ADGRV1: variants seen among roughly 807,000 people sequenced by gnomAD.
The protein encoded by ADGRV1 is G-protein coupled receptor 98.
Under a neutral mutation model 596.2 loss-of-function variants are expected in ADGRV1, and 359 were observed. The observed-to-expected ratio is 0.60, with a 90% CI of 0.55 to 0.66. The LOEUF (loss-of-function observed/expected upper bound fraction) is 0.66. Among genes scored for constraint, ADGRV1 ranks in the 30% least tolerant of loss-of-function variants. The probability of loss-of-function intolerance (pLI) is 0.00; values close to 1 mark genes in which losing one functional copy is unlikely to be tolerated. For missense variants in ADGRV1, 7,274 were observed against 7,575.6 expected, an observed-to-expected ratio of 0.96 and a Z score of 1.48; for synonymous variants, 2,681 against 2,679.2, an observed-to-expected ratio of 1.00 and a Z score of -0.02.
chr5:90,987,955 C>T (rs1165220193), intron 85 of ADGRV1, among the ~76,000 whole-genome samples: 1 of 152,134 alleles, frequency 6.6e-6, no homozygotes, highest in Non-Finnish European at 1.5e-5. Context: ...TTTTTGTCTC[C>T]TTAGCTCTTT....
At chr5:90,954,379 T>C (rs1777299615) in intron 83 of ADGRV1, among the ~76,000 whole-genome samples, 1 of 152,114 alleles carries the variant, frequency 6.6e-6, no homozygotes, top group South Asian at 2.1e-4. Context: ...CTGAATGAGA[T>C]ATGAAAAGAC....
intron 79 of ADGRV1, 147 bp from the exon 80 acceptor site, chr5:90,853,137 C>T (rs1766695244): frequency 1.5e-6 from 1 of 684,064 alleles, no homozygotes. Flanking sequence ...GAACTGAAGG[C>T]ACATTCTATT....
At chr5:90,871,556 G>T (rs557892157) in intron 83 of ADGRV1, among the ~76,000 whole-genome samples, 2 of 152,316 alleles carry the variant, frequency 1.3e-5, no homozygotes, top group African/African-American at 4.8e-5. Flanking sequence ...AGGCTACAGT[G>T]ACATTATCAT....
intron 9 of ADGRV1, among the ~76,000 whole-genome samples, chr5:90,632,547 A>G (rs899583069): frequency 6.6e-6 from 1 of 152,186 alleles, no homozygotes; most frequent in Admixed American, 6.5e-5. Flanking sequence ...CAATATTTCT[A>G]TCCAAGTAAC....
intron 87 of ADGRV1, among the ~76,000 whole-genome samples, chr5:91,133,383 C>T (rs555999271): frequency 6.6e-6 from 1 of 152,326 alleles, no homozygotes; most frequent in East Asian, 1.9e-4. Flanking sequence ...TGGCACTCTC[C>T]TGCTCCAGTA....
At chr5:91,035,685 C>T (rs1228101865) in intron 85 of ADGRV1, among the ~76,000 whole-genome samples, 4 of 151,186 alleles carry the variant, frequency 2.6e-5, no homozygotes, top group African/African-American at 9.7e-5. Flanking sequence ...ATCTGCCTGC[C>T]TAGTTTCAAA....
chr5:90,647,671 G>C lies in ADGRV1; in HGVS notation c.3196G>C (p.Gly1066Arg), dbSNP rs1767988783. The change falls in exon 17 of 90, where the codon GGA becomes CGA. Residue 1066 changes from glycine (G) to arginine (R), a missense_variant. This residue lies in a region of ADGRV1 where 1,715 missense variants were observed against 1,708.8 expected (regional missense o/e 1.00). Coordinates refer to ENST00000405460, the MANE Select transcript of ADGRV1 (RefSeq NM_032119.4). Reference protein sequence around the residue: ...EKGETLIFEVGSRQQSISIFV... With the variant: ...EKGETLIFEVRSRQQSISIFV... ...AGGAGAAACGCTCATTTTTGAGGTT[G>C]GAAGTAGACAGCAGAGCATATCCAT... 1 of 1,613,944 alleles carries C rather than the reference G, an allele frequency of 6.2e-7. No homozygotes were observed. Among genetic ancestry groups the C allele is most frequent in the Non-Finnish European group, 8.5e-7 (1 of 1,179,850 alleles).
intron 50 of ADGRV1, among the ~76,000 whole-genome samples, chr5:90,738,438 G>T (rs2149870516): frequency 6.6e-6 from 1 of 152,036 alleles, no homozygotes; most frequent in Middle Eastern, 3.4e-3. Flanking sequence ...TATGTTATTA[G>T]TTATCAGACT....
intron 87 of ADGRV1, among the ~76,000 whole-genome samples, chr5:91,148,458 A>G (rs1795742872): frequency 6.6e-6 from 1 of 152,198 alleles, no homozygotes; most frequent in Non-Finnish European, 1.5e-5. Flanking sequence ...GCCCCCACCC[A>G]GCCTTGGCAG....
At chr5:90,796,527 G>C (rs1457358123) in intron 70 of ADGRV1, among the ~76,000 whole-genome samples, 2 of 152,192 alleles carry the variant, frequency 1.3e-5, no homozygotes, top group Non-Finnish European at 2.9e-5. Context: ...AGGGAGAATG[G>C]AACCAAGTTG....
At chr5:90,744,761 G>A (rs1288640713) in intron 50 of ADGRV1, among the ~76,000 whole-genome samples, 3 of 152,158 alleles carry the variant, frequency 2.0e-5, no homozygotes, top group Non-Finnish European at 2.9e-5. Context: ...TAAATATTAA[G>A]ATGAATATAA....
intron 67 of ADGRV1, 41 bp downstream of exon 67, chr5:90,784,098 T>G: frequency 7.6e-7 from 1 of 1,312,212 alleles, no homozygotes; most frequent in Non-Finnish European, 1.1e-6. Context: ...TAATTTTTGA[T>G]AGACTGAGTA....
chr5:90,743,170 G>A (rs1252866824), intron 50 of ADGRV1, among the ~76,000 whole-genome samples: 1 of 152,106 alleles, frequency 6.6e-6, no homozygotes, highest in African/African-American at 2.4e-5. Context: ...AGATGCCCCT[G>A]AATTAATTTT....
intron 83 of ADGRV1, among the ~76,000 whole-genome samples, chr5:90,905,958 A>C (rs1305561665): frequency 6.6e-6 from 1 of 152,098 alleles, no homozygotes; most frequent in Non-Finnish European, 1.5e-5. Context: ...GATTTTTATC[A>C]AGTGATTTTT....
In ADGRV1 at chr5:90,756,596, A is replaced by G; in HGVS notation, c.11723A>G (p.Asp3908Gly). Residue 3908 changes from aspartate to glycine, a missense_variant, in exon 56 of 90, where the codon GAT (aspartate) becomes GGT (glycine). By Grantham distance (94) the Asp-to-Gly change is moderately conservative. Around this residue, in one of 5 missense-constraint regions of ADGRV1, gnomAD observed 3,643 missense variants for 3,809.2 expected, o/e 0.96. Transcript: ENST00000405460. Reference sequence around the variant, plus strand: ...GAGATAATGATAGAAGAAAATGACGATCCCAGAGGAATTTTTATGTTTCAT... The same window carrying G: ...GAGATAATGATAGAAGAAAATGACGGTCCCAGAGGAATTTTTATGTTTCAT... Reference protein sequence around the residue: ...IAEIMIEENDDPRGIFMFHVT... With the variant: ...IAEIMIEENDGPRGIFMFHVT... The G allele has an allele frequency of 6.2e-7, 1 of 1,613,798 alleles. No individual in the cohort carries two copies. Among genetic ancestry groups the G allele is most frequent in the Non-Finnish European group, 8.5e-7 (1 of 1,179,728 alleles).
chr5:90,696,010 A>G (rs1747149079), intron 33 of ADGRV1, among the ~76,000 whole-genome samples: 2 of 152,154 alleles, frequency 1.3e-5, no homozygotes, highest in Admixed American at 1.3e-4. Flanking sequence ...AATGGACTCT[A>G]TTGCTAACTT....
intron 83 of ADGRV1, among the ~76,000 whole-genome samples, chr5:90,924,564 T>G (rs76509704): frequency 0.7 from 104,098 of 148,982 alleles, 36,823 homozygotes; most frequent in East Asian, 1. Flanking sequence ...TGTGAAAATT[T>G]TCTCCCATTT....
chr5:90,786,408 A>G (rs1235652522), intron 67 of ADGRV1, among the ~76,000 whole-genome samples: 1 of 152,220 alleles, frequency 6.6e-6, no homozygotes, highest in Non-Finnish European at 1.5e-5. Context: ...ATAATAAATA[A>G]AAGATTTCAT....
intron 72 of ADGRV1, among the ~76,000 whole-genome samples, chr5:90,806,163 A>G (rs1761882958): frequency 6.6e-6 from 1 of 152,224 alleles, no homozygotes; most frequent in Non-Finnish European, 1.5e-5. Context: ...CTGAGAGATA[A>G]GAAGGAATGA....
Sources: gnomAD v4.1 joint callset for allele counts (sites outside exome capture counted in the v4.1 genomes callset) on GRCh38, gnomAD v4.1.1 for gene constraint, gnomAD v4.1.1 regional missense constraint, MANE v1.5 for transcripts, NCBI Gene and HGNC (gene_info 2026-07-23, HGNC 2026-07-21) for gene names.